The following MBNL3 variants were observed in gnomAD, a reference collection of about 807,000 sequenced individuals.
MBNL3 encodes the protein muscleblind-like protein 3.
Under a neutral mutation model 24.5 loss-of-function variants are expected in MBNL3, and 6 were observed. The observed-to-expected ratio is 0.25, with a 90% CI of 0.13 to 0.48. The LOEUF is 0.48. MBNL3 is among the 20% of genes least tolerant of loss of function. MBNL3 has a pLI of 0.99. For synonymous variants in MBNL3, 100 were observed against 101.7 expected (o/e 0.98, Z 0.10); for missense variants, 230 against 293.5 (o/e 0.78, Z 1.58).
intron 5 of MBNL3, among the ~76,000 whole-genome samples, chrX:132,390,265 CAAAAAAA>C (rs59093044): frequency 1.3e-4 from 4 of 31,611 alleles, no homozygotes; most frequent in Admixed American, 4.8e-4. Flanking sequence ...ACAACAACAA[CAAAAAAA>C]AAAAAAAAAA....
chrX:132,411,481 T>C, intron 2 of MBNL3: 1 of 716,310 alleles, frequency 1.4e-6, no homozygotes, highest in Non-Finnish European at 1.7e-6. Flanking sequence ...AGGGAACATC[T>C]TGTGCACCTT....
chrX:132,381,015 C>T (rs750238307), intron 8 of MBNL3, among the ~76,000 whole-genome samples: 259 of 109,502 alleles, frequency 2.4e-3, no homozygotes, highest in Non-Finnish European at 4.0e-3. Flanking sequence ...CTTGTTTGAT[C>T]TTCAAAAAAA....
intron 1 of MBNL3, among the ~76,000 whole-genome samples, chrX:132,447,084 C>CTCTGT (rs1444269971): frequency 1.8e-5 from 2 of 110,917 alleles, no homozygotes; most frequent in Admixed American, 9.6e-5. Flanking sequence ...TTTCTGAGGC[C>CTCTGT]TCTGTTCTGT....
At position 132,412,366 on chromosome X, in the gene MBNL3, G is replaced by A. The variant is rs1173511686; in HGVS notation, c.178-5974C>T. ...CAGGGTCAGTTTAGAAAAAAACTGC[G>A]TTCTCCAACTGCCCCACCCCCCATC... On this transcript the variant is annotated intron_variant, in intron 2 of 8. Coordinates refer to ENST00000370853, the MANE Select transcript of MBNL3 (RefSeq NM_001386889.1). Among the ~76,000 whole-genome samples, 9 of 111,490 alleles carry A rather than the reference G, an allele frequency of 8.1e-5. No individual in the cohort carries two copies. In the East Asian group the frequency reaches 1.7e-3, roughly 21 times the overall value.
intron 5 of MBNL3, 50 bp from the exon 6 acceptor site, chrX:132,386,861 C>A: frequency 8.6e-7 from 1 of 1,159,175 alleles, no homozygotes; most frequent in South Asian, 1.8e-5. Context: ...CAAATGTACT[C>A]AAACCAAGCA....
intron 2 of MBNL3, among the ~76,000 whole-genome samples, chrX:132,422,643 A>C (rs1359946681): frequency 8.9e-6 from 1 of 112,131 alleles, no homozygotes; most frequent in Non-Finnish European, 1.9e-5. Flanking sequence ...AATATATATC[A>C]AGAAAGGGCC....
chrX:132,453,764 T>G (rs1946229693), intron 1 of MBNL3, among the ~76,000 whole-genome samples: 1 of 111,269 alleles, frequency 9.0e-6, no homozygotes, highest in African/African-American at 3.3e-5. Flanking sequence ...GCTATAGGGC[T>G]TTAAGCAGCA....
intron 8 of MBNL3, among the ~76,000 whole-genome samples, chrX:132,380,562 G>C (rs1175264548): frequency 9.0e-6 from 1 of 111,352 alleles, no homozygotes; most frequent in African/African-American, 3.3e-5. Context: ...CAGGAAAGAA[G>C]GGCTAGCTGG....
intron 3 of MBNL3, among the ~76,000 whole-genome samples, chrX:132,402,301 G>T (rs1320330527): frequency 8.9e-6 from 1 of 112,262 alleles, no homozygotes; most frequent in Admixed American, 9.4e-5. Context: ...GATATGGACA[G>T]GTGTAGATAT....
chrX:132,427,160 A>G (rs987796544), intron 2 of MBNL3, among the ~76,000 whole-genome samples: 2 of 111,735 alleles, frequency 1.8e-5, no homozygotes, highest in African/African-American at 6.5e-5. Flanking sequence ...TTCATTTCAG[A>G]TATTTTCAGT....
chrX:132,448,540 CTTT>C (rs780088987), intron 1 of MBNL3, among the ~76,000 whole-genome samples: 1 of 111,441 alleles, frequency 9.0e-6, no homozygotes, highest in South Asian at 3.8e-4. Context: ...CCCTTTTCTT[CTTT>C]ATTAGTCCGG....
intron 8 of MBNL3, among the ~76,000 whole-genome samples, chrX:132,380,852 A>G (rs1314974074): frequency 3.6e-5 from 4 of 111,149 alleles, no homozygotes; most frequent in Non-Finnish European, 7.5e-5. Context: ...AAAAAATCCC[A>G]CAACAACAAA....
Position 132,485,528 on chromosome X carries a change from T to C in MBNL3, c.-704+3323A>G, listed in dbSNP as rs186889886. 8.0e-5 allele frequency among the ~76,000 whole-genome samples: 9 copies of C among 112,571 alleles called. No individual in the cohort carries two copies. The East Asian group carries it at 2.5e-3, about 31-fold the overall frequency. On this transcript the variant is annotated intron_variant, in intron 1 of 8. Coordinates refer to ENST00000370853, the MANE Select transcript of MBNL3 (RefSeq NM_001386889.1). ...ACAACTGATACCTTATTTATCCTAA[T>C]TCTCAAAGTTGCCTTTCCAACACTG...
At chrX:132,380,202 T>C (rs778796227) in intron 8 of MBNL3, among the ~76,000 whole-genome samples, 2 of 111,881 alleles carry the variant, frequency 1.8e-5, no homozygotes, top group African/African-American at 6.5e-5. Context: ...CTGCCAAATA[T>C]CTCTACATTT....
At chrX:132,396,415 CCT>C (rs1491212495) in intron 3 of MBNL3, among the ~76,000 whole-genome samples, 13 of 70,953 alleles carry the variant, frequency 1.8e-4, no homozygotes, top group Admixed American at 1.1e-3. Context: ...CATATATATT[CCT>C]ATATATATAT....
chrX:132,430,769 T>A (rs1271296133), intron 2 of MBNL3: 1 of 111,646 alleles, frequency 9.0e-6, no homozygotes, highest in Non-Finnish European at 1.9e-5. Context: ...GTGACTATTT[T>A]CCCTTTATTT....
At position 132,369,838 on chromosome X, in the gene MBNL3, C is replaced by A. The variant is rs777646447; in HGVS notation, c.*9828G>T. On this transcript the variant is annotated 3_prime_UTR_variant, in exon 9 of 9. Transcript: ENST00000370853. ...TGTCTATGTCTGTTGCACTTTGCAC[C>A]GGATGCCCTGCCTGCCTTTTCACTG... The A allele has an allele frequency of 8.9e-6, 1 of 112,216 alleles. No individual in the cohort carries two copies. The highest frequency in any genetic ancestry group is 1.9e-5 in the Non-Finnish European group (1 of 53,254). 9.2% of individuals were successfully genotyped at this position (112,216 alleles called of 1,213,427 possible). A position where few individuals can be genotyped will look rare whatever the true frequency, so the allele number is the denominator to read the frequency against.
At chrX:132,421,211 A>G (rs1314802713) in intron 2 of MBNL3, among the ~76,000 whole-genome samples, 1 of 112,400 alleles carries the variant, frequency 8.9e-6, no homozygotes, top group Non-Finnish European at 1.9e-5. Context: ...TACAAAATGT[A>G]AAAAATATAT....
intron 1 of MBNL3, among the ~76,000 whole-genome samples, chrX:132,458,521 C>T (rs1946485240): frequency 9.0e-6 from 1 of 110,851 alleles, no homozygotes; most frequent in East Asian, 2.8e-4. Flanking sequence ...TGTGCTGCTT[C>T]AACTCATAGT....
Sources: gnomAD v4.1 joint callset for allele counts (sites outside exome capture counted in the v4.1 genomes callset) on GRCh38, gnomAD v4.1.1 for gene constraint, MANE v1.5 for transcripts, NCBI Gene and HGNC (gene_info 2026-07-23, HGNC 2026-07-21) for gene names.